Variants in TGFBRAP1 observed in about 807,000 individuals in gnomAD.
TGFBRAP1 encodes transforming growth factor beta receptor associated protein 1.
TGFBRAP1 carries 20 observed loss-of-function variants against 83.2 expected under a neutral mutation model. That is an observed-to-expected ratio of 0.24 (90% confidence interval 0.17 to 0.35). TGFBRAP1 has a LOEUF of 0.35. Among genes scored for constraint, TGFBRAP1 ranks in the 10% least tolerant of loss-of-function variants. The probability of loss-of-function intolerance (pLI) is 1.00; values close to 1 mark genes in which losing one functional copy is unlikely to be tolerated. For missense variants in TGFBRAP1, 950 were observed against 1,099.4 expected, an observed-to-expected ratio of 0.86 and a Z score of 1.92; for synonymous variants, 415 against 459.8, an observed-to-expected ratio of 0.90 and a Z score of 1.25.
chr2:105,260,778 A>G (rs1004514920), downstream of TGFBRAP1, among the ~76,000 whole-genome samples: 2 of 152,254 alleles, frequency 1.3e-5, no homozygotes, highest in Non-Finnish European at 2.9e-5. Flanking sequence ...ACAATAAAAA[A>G]AATACTATGA....
intron 4 of TGFBRAP1, among the ~76,000 whole-genome samples, chr2:105,292,666 G>A (rs971231957): frequency 5.9e-5 from 9 of 151,460 alleles, no homozygotes; most frequent in African/African-American, 2.2e-4. Context: ...GAAGGAGGGA[G>A]AGAGAGAGAG....
chr2:105,315,859 T>C (rs1012165315), intron 1 of TGFBRAP1, among the ~76,000 whole-genome samples: 1 of 152,198 alleles, frequency 6.6e-6, no homozygotes, highest in African/African-American at 2.4e-5. Context: ...TTCTCTTGGG[T>C]ATATATCTAT....
Position 105,273,681 on chromosome 2 carries a change from G to C in TGFBRAP1, c.1675C>G (p.Gln559Glu). 6.2e-7 allele frequency: 1 copy of C among 1,614,042 alleles called. No homozygotes were observed. Among genetic ancestry groups the C allele is most frequent in the Non-Finnish European group, 8.5e-7 (1 of 1,180,002 alleles). The change falls in exon 9 of 12, where the codon CAG becomes GAG. Residue 559 changes from glutamine to glutamate, a missense_variant. Physicochemically the swap from Gln to Glu is conservative, Grantham distance 29 (BLOSUM62 2). Transcript: ENST00000393359. ...TCCAAAGGTCTCTTGGTGAAAACCT[G>C]AACTCCGACCTGAAAGAGGAGCGAC... The part of the protein sequence containing the change: ...VLQKSEEVGV[Q>E]VFTKRPLDEQ...
intron 2 of TGFBRAP1, among the ~76,000 whole-genome samples, chr2:105,302,966 A>G (rs1427316587): frequency 6.6e-6 from 1 of 152,238 alleles, no homozygotes; most frequent in African/African-American, 2.4e-5. Flanking sequence ...ATACTGTGGG[A>G]GCGGTAGTGC....
rs1055012488 is a variant in TGFBRAP1, at chr2:105,319,897, ATATT to A, written c.-18+9724_-18+9727del. ...ATATTTGTTATATATTGAAATATATATATTTGTTATATACATACATACATACATG... is the reference window on the plus strand; with the variant it reads ...ATATTTGTTATATATTGAAATATATATGTTATATACATACATACATACATG... On this transcript the variant is annotated intron_variant, in intron 1 of 11. Transcript: ENST00000393359. Among the ~76,000 whole-genome samples the A allele has an allele frequency of 2.1e-4, 31 of 151,156 alleles. 1 individual carries two copies. Among genetic ancestry groups the A allele is most frequent in the Admixed American group, 5.9e-4 (9 of 15,150 alleles).
chr2:105,259,145 C>T, the TGFBRAP1 span, among the ~76,000 whole-genome samples: 4 of 152,326 alleles, frequency 2.6e-5, no homozygotes, highest in African/African-American at 2.4e-5. Flanking sequence ...CACACGGAAT[C>T]GCCCAGGACA....
downstream of TGFBRAP1, among the ~76,000 whole-genome samples, chr2:105,260,031 A>C (rs763699845): frequency 8.5e-5 from 13 of 152,250 alleles, no homozygotes; most frequent in Admixed American, 2.0e-4. Flanking sequence ...TATAAAATAC[A>C]TGCAAAGAGT....
the TGFBRAP1 span, among the ~76,000 whole-genome samples, chr2:105,250,472 C>T: frequency 2.6e-5 from 4 of 152,158 alleles, no homozygotes; most frequent in South Asian, 4.1e-4. Flanking sequence ...TCCTGCTGTT[C>T]TTTATTCATG....
At chr2:105,327,367 C>A (rs1406699833) in intron 1 of TGFBRAP1, 1 of 152,140 alleles carries the variant, frequency 6.6e-6, no homozygotes, top group Non-Finnish European at 1.5e-5. Flanking sequence ...AGTTTGAGAA[C>A]AGCCTGGGCA....
At chr2:105,313,949 C>T (rs567161104) in intron 1 of TGFBRAP1, among the ~76,000 whole-genome samples, 1 of 152,108 alleles carries the variant, frequency 6.6e-6, no homozygotes, top group Non-Finnish European at 1.5e-5. Context: ...GACTCTCCCC[C>T]AATCATGCTG....
At chr2:105,322,341 G>A (rs1468165805) in intron 1 of TGFBRAP1, among the ~76,000 whole-genome samples, 1 of 152,134 alleles carries the variant, frequency 6.6e-6, no homozygotes, top group Non-Finnish European at 1.5e-5. Flanking sequence ...TATTACTGAA[G>A]AGAAGTATTT....
the TGFBRAP1 span, among the ~76,000 whole-genome samples, chr2:105,254,643 C>G: frequency 6.6e-6 from 1 of 152,124 alleles, no homozygotes; most frequent in South Asian, 2.1e-4. Context: ...ATGCTTTCTG[C>G]CTGCCAGGCT....
Position 105,298,494 on chromosome 2 carries a change from T to G in TGFBRAP1, c.883+17A>C. 6.4e-7 allele frequency: 1 copy of G among 1,554,760 alleles called. No homozygotes were observed. The highest frequency in any genetic ancestry group is 8.7e-7 in the Non-Finnish European group (1 of 1,148,068). ...GAGTTAAGTAAATTTCACTAAGACT[T>G]CTATGTGAATGAGTACCTTCAAAGT... On this transcript the variant is annotated intron_variant, in intron 3 of 11. Transcript: ENST00000393359.
chr2:105,259,667 A>T (rs1482225427), downstream of TGFBRAP1, among the ~76,000 whole-genome samples: 1 of 152,244 alleles, frequency 6.6e-6, no homozygotes, highest in African/African-American at 2.4e-5. Flanking sequence ...CACACAGGGC[A>T]GGTGGCCACT....
intron 1 of TGFBRAP1, among the ~76,000 whole-genome samples, chr2:105,327,737 G>C (rs533015255): frequency 1.3e-5 from 2 of 152,288 alleles, no homozygotes; most frequent in South Asian, 4.2e-4. Context: ...GGTTAGATTG[G>C]TCCTGGGATT....
At chr2:105,299,486 C>T (rs944431969) in intron 2 of TGFBRAP1, among the ~76,000 whole-genome samples, 12 of 152,170 alleles carry the variant, frequency 7.9e-5, no homozygotes, top group African/African-American at 2.6e-4. Flanking sequence ...CCAATAACAT[C>T]GCCCAGCCTC....
At chr2:105,282,468 C>T (rs770712012) in intron 5 of TGFBRAP1, among the ~76,000 whole-genome samples, 1 of 152,222 alleles carries the variant, frequency 6.6e-6, no homozygotes, top group Admixed American at 6.5e-5. Flanking sequence ...TTATTAGCAA[C>T]ATTTGCTGTG....
At chr2:105,328,782 C>T (rs1320766745) in intron 1 of TGFBRAP1, among the ~76,000 whole-genome samples, 1 of 152,214 alleles carries the variant, frequency 6.6e-6, no homozygotes, top group Non-Finnish European at 1.5e-5. Flanking sequence ...GCAGTAAGGC[C>T]TGCTGTGTGA....
At chr2:105,308,378 T>C in intron 1 of TGFBRAP1, 60 bp from the exon 2 acceptor site, 1 of 1,422,742 alleles carries the variant, frequency 7.0e-7, no homozygotes. Flanking sequence ...AAACAGAGGC[T>C]GCAATAATGA....
Sources: allele counts gnomAD v4.1 joint callset (sites outside exome capture counted in the v4.1 genomes callset), GRCh38; gene constraint gnomAD v4.1.1; transcripts MANE v1.5; gene names NCBI Gene and HGNC (gene_info 2026-07-23, HGNC 2026-07-21).